The following SMARCAD1 variants were observed in gnomAD, a reference collection of about 807,000 sequenced individuals.
SMARCAD1 encodes SNF2 related chromatin remodeling ATPase with DExD box 1.
SMARCAD1 carries 25 observed loss-of-function variants against 127.1 expected under a neutral mutation model. The ratio of observed to expected loss-of-function variants is 0.20; its 90% confidence interval spans 0.14 to 0.27. The LOEUF (loss-of-function observed/expected upper bound fraction) is 0.27, where lower values mean the gene tolerates loss of function less well. Ranked by LOEUF, SMARCAD1 falls within the 10% of genes least tolerant of loss-of-function variation. SMARCAD1 has a pLI of 1.00. For missense variants in SMARCAD1, 807 were observed against 1,206.0 expected (o/e 0.67, Z 4.90); for synonymous variants, 400 against 396.9 (o/e 1.01, Z -0.09).
intron 9 of SMARCAD1, among the ~76,000 whole-genome samples, chr4:94,261,673 C>T (rs917747471): frequency 2.6e-5 from 4 of 152,106 alleles, no homozygotes; most frequent in African/African-American, 7.2e-5. Context: ...AATGCAGTGG[C>T]GTCTTGGCTC....
chr4:94,289,383 G>A, intron 23 of SMARCAD1, 90 bp from the exon 24 acceptor site: 1 of 1,193,120 alleles, frequency 8.4e-7, no homozygotes, highest in Non-Finnish European at 1.2e-6. Flanking sequence ...AGATGAGTAA[G>A]AATTCACCAA....
intron 8 of SMARCAD1, among the ~76,000 whole-genome samples, chr4:94,251,049 A>G (rs988729914): frequency 3.3e-5 from 5 of 152,174 alleles, no homozygotes; most frequent in East Asian, 1.9e-4. Context: ...AAAACAATAA[A>G]TATCTTTTTC....
At chr4:94,255,077 A>G (rs1032691744) in intron 9 of SMARCAD1, among the ~76,000 whole-genome samples, 1 of 152,062 alleles carries the variant, frequency 6.6e-6, no homozygotes, top group Non-Finnish European at 1.5e-5. Flanking sequence ...ACAAAAGCCA[A>G]AAAAATTGTT....
intron 9 of SMARCAD1, among the ~76,000 whole-genome samples, chr4:94,262,806 CT>C (rs1751193267): frequency 6.7e-6 from 1 of 149,820 alleles, no homozygotes; most frequent in South Asian, 2.1e-4. Flanking sequence ...GAAATTGTTA[CT>C]TGTGTTTCCC....
At chr4:94,282,107 T>TTG (rs1553921673) in intron 21 of SMARCAD1, among the ~76,000 whole-genome samples, 3 of 92,766 alleles carry the variant, frequency 3.2e-5, no homozygotes, top group African/African-American at 8.2e-5. Flanking sequence ...TTTGTTTTTT[T>TTG]TTTTTTTTTT....
intron 16 of SMARCAD1, 26 bp downstream of exon 16, chr4:94,277,185 C>T (rs774878578): frequency 1.1e-5 from 17 of 1,611,298 alleles, no homozygotes; most frequent in Admixed American, 3.3e-5. Context: ...TATTTTCTCC[C>T]AAATATGTTA....
intron 6 of SMARCAD1, among the ~76,000 whole-genome samples, chr4:94,244,793 G>C (rs1748163632): frequency 1.3e-5 from 2 of 151,054 alleles, no homozygotes; most frequent in Non-Finnish European, 2.9e-5. Context: ...AATTCTTACA[G>C]TGTATCAAGC....
At chr4:94,227,780 C>T (rs1021369409) in intron 3 of SMARCAD1, among the ~76,000 whole-genome samples, 1 of 152,144 alleles carries the variant, frequency 6.6e-6, no homozygotes, top group African/African-American at 2.4e-5. Flanking sequence ...AGATTTGGGA[C>T]ATTTGAGTTC....
intron 6 of SMARCAD1, among the ~76,000 whole-genome samples, chr4:94,241,789 T>G (rs1018064531): frequency 6.6e-6 from 1 of 152,162 alleles, no homozygotes; most frequent in Non-Finnish European, 1.5e-5. Flanking sequence ...CAGATTAATC[T>G]TGGTGTAGAA....
intron 11 of SMARCAD1, among the ~76,000 whole-genome samples, chr4:94,271,622 T>C (rs1461221104): frequency 2.6e-5 from 4 of 152,238 alleles, no homozygotes; most frequent in Non-Finnish European, 5.9e-5. Context: ...TTTCATACTG[T>C]CATTAAAACA....
At chr4:94,256,604 C>A (rs1014496442) in intron 9 of SMARCAD1, among the ~76,000 whole-genome samples, 1 of 152,158 alleles carries the variant, frequency 6.6e-6, no homozygotes, top group East Asian at 1.9e-4. Flanking sequence ...CTCAGGTGAT[C>A]CACCTGTTGC....
Position 94,275,796 on chromosome 4 carries a change from C to CTTTTTTTT in SMARCAD1, c.1809-532_1809-525dup, listed in dbSNP as rs535710589. ...TGTCCGATTGTAACATTAACATTTTCTTTTTTTTTTTTTTTTTTGAGACGG... is the reference window on the plus strand; with the variant it reads ...TGTCCGATTGTAACATTAACATTTTCTTTTTTTTTTTTTTTTTTTTTTTTTTGAGACGG... On this transcript the variant is annotated intron_variant, in intron 14 of 23. Coordinates refer to ENST00000354268, the MANE Select transcript of SMARCAD1 (RefSeq NM_020159.5). 8.0e-3 allele frequency among the ~76,000 whole-genome samples: 682 copies of CTTTTTTTT among 85,248 alleles called. 18 individuals are homozygous for CTTTTTTTT. The highest frequency in any genetic ancestry group is 0.038 in the Middle Eastern group (5 of 132). The allele number at this position is 85,248 out of a possible 152,430, so 55.9% of individuals were successfully genotyped here.
At chr4:94,219,040 G>T (rs1192938544) in intron 2 of SMARCAD1, among the ~76,000 whole-genome samples, 3 of 152,152 alleles carry the variant, frequency 2.0e-5, no homozygotes, top group Non-Finnish European at 4.4e-5. Context: ...TCGAACTCCT[G>T]ACCTCAAGTG....
At chr4:94,254,810 T>C (rs879698047) in intron 9 of SMARCAD1, among the ~76,000 whole-genome samples, 1 of 152,100 alleles carries the variant, frequency 6.6e-6, no homozygotes, top group Non-Finnish European at 1.5e-5. Context: ...AATTAGCAAG[T>C]AAATACAGAT....
chr4:94,250,941 G>T, intron 8 of SMARCAD1, 108 bp downstream of exon 8: 1 of 812,152 alleles, frequency 1.2e-6, no homozygotes, highest in Non-Finnish European at 2.0e-6. Flanking sequence ...TCAGAGGGTG[G>T]GATTGCAAAA....
chr4:94,276,978 G>T (rs1374992852), intron 15 of SMARCAD1, 44 bp from the exon 16 acceptor site: 3 of 1,611,362 alleles, frequency 1.9e-6, no homozygotes, highest in Admixed American at 1.7e-5. Context: ...GAAAGGAGTG[G>T]CTCTTTAAGA....
chr4:94,226,401 T>TA (rs1745001448), intron 3 of SMARCAD1, 105 bp downstream of exon 3: 9 of 557,948 alleles, frequency 1.6e-5, no homozygotes, highest in East Asian at 3.7e-5. Context: ...TTTTTTTTTT[T>TA]CTTTTTTTTT....
At chr4:94,255,389 C>T (rs1028089848) in intron 9 of SMARCAD1, among the ~76,000 whole-genome samples, 13 of 151,796 alleles carry the variant, frequency 8.6e-5, no homozygotes, top group Admixed American at 7.2e-4. Context: ...GTTTCTTTAA[C>T]GTTGGTGATT....
intron 2 of SMARCAD1, among the ~76,000 whole-genome samples, chr4:94,223,734 A>ATTTTTTTTTTTTTTTTTT (rs944591007): frequency 1.0e-5 from 1 of 100,156 alleles, no homozygotes; most frequent in African/African-American, 3.7e-5. Context: ...CTCCCGGCTA[A>ATTTTTTTTTTTTTTTTTT]TTTTTTTTTT....
Sources: gnomAD v4.1 joint callset for allele counts (sites outside exome capture counted in the v4.1 genomes callset) on GRCh38, gnomAD v4.1.1 for gene constraint, MANE v1.5 for transcripts, NCBI Gene and HGNC (gene_info 2026-07-23, HGNC 2026-07-21) for gene names.